MICAL2: variants seen among roughly 807,000 people sequenced by gnomAD.
MICAL2 encodes microtubule associated monooxygenase, calponin and LIM domain containing 2.
MICAL2 carries 77 observed loss-of-function variants against 127.3 expected under a neutral mutation model. The observed-to-expected ratio is 0.60, with a 90% CI of 0.50 to 0.73. MICAL2 has a LOEUF of 0.73. MICAL2 is among the 30% of genes least tolerant of loss of function. The pLI, the probability that MICAL2 is intolerant of heterozygous loss-of-function variation, is 0.00. For synonymous variants in MICAL2, 570 were observed against 551.1 expected (o/e 1.03, Z -0.48); for missense variants, 1,351 against 1,434.4 (o/e 0.94, Z 0.94).
At chr11:12,280,383 G>C (rs1316824201) in intron 1 of MICAL2, among the ~76,000 whole-genome samples, 1 of 152,132 alleles carries the variant, frequency 6.6e-6, no homozygotes, top group Non-Finnish European at 1.5e-5. Flanking sequence ...AGCCTGTATT[G>C]TTCTGCTCTG....
chr11:12,294,705 G>A (rs985721086), downstream of MICAL2: 2 of 1,614,016 alleles, frequency 1.2e-6, no homozygotes, highest in Non-Finnish European at 1.7e-6. Context: ...GACCTCTTTG[G>A]CAGCCCCAAG....
downstream of MICAL2, among the ~76,000 whole-genome samples, chr11:12,360,529 G>A (rs1493969): frequency 0.7 from 106,627 of 151,864 alleles, 43,184 homozygotes; most frequent in East Asian, 0.94. Context: ...TCAGGCCCCA[G>A]TCTTTTCTGT....
exon 30 of MICAL2, chr11:12,319,706 C>T (rs1864270515): frequency 1.9e-6 from 3 of 1,613,432 alleles, no homozygotes; most frequent in Middle Eastern, 1.6e-4. Flanking sequence ...ACTCCAAGAA[C>T]TTTCCCCTCA....
chr11:12,336,789 C>T (rs1264230919), intron 32 of MICAL2, among the ~76,000 whole-genome samples: 2 of 152,104 alleles, frequency 1.3e-5, no homozygotes, highest in African/African-American at 4.8e-5. Context: ...AGCCTTGCAT[C>T]CCAGGGATGA....
rs74731724 is a variant in MICAL2, at chr11:12,302,175, G to A, written c.5212+7318G>A. On this transcript the variant is annotated intron_variant, in intron 29 of 34. Coordinates refer to the MICAL2 transcript ENST00000646065. ...AGGGATGGACAAAATCACTTATGTC[G>A]CGAGTCTGTTCTTTTCATAGGCCAA... Among the ~76,000 whole-genome samples, 412 of 152,262 alleles carry A rather than the reference G, an allele frequency of 2.7e-3. 1 individual carries two copies. Among genetic ancestry groups the A allele is most frequent in the African/African-American group, 9.2e-3 (384 of 41,554 alleles).
At chr11:12,293,684 C>A, downstream of MICAL2, 1 of 1,614,092 alleles carries the variant, frequency 6.2e-7, no homozygotes, top group Non-Finnish European at 8.5e-7. Flanking sequence ...TCTGCCTCAT[C>A]ACCCAAAGCC....
downstream of MICAL2, chr11:12,292,234 C>G (rs1419429211): frequency 1.2e-6 from 2 of 1,613,962 alleles, no homozygotes; most frequent in African/African-American, 2.7e-5. Flanking sequence ...ATTCATCTTC[C>G]CCACCATCTT....
intron 3 of MICAL2, among the ~76,000 whole-genome samples, chr11:12,170,248 G>T (rs969115017): frequency 6.6e-6 from 1 of 152,072 alleles, no homozygotes; most frequent in Non-Finnish European, 1.5e-5. Context: ...CCAGGAATTC[G>T]AGACCAGCCC....
chr11:12,133,603 T>C (rs1204836048), intron 1 of MICAL2, among the ~76,000 whole-genome samples: 1 of 151,804 alleles, frequency 6.6e-6, no homozygotes, highest in African/African-American at 2.4e-5. Context: ...TCAGAATCTC[T>C]TGGGACAGGT....
intron 29 of MICAL2, among the ~76,000 whole-genome samples, chr11:12,309,104 T>G (rs1864144589): frequency 6.6e-6 from 1 of 152,202 alleles, no homozygotes; most frequent in Non-Finnish European, 1.5e-5. Flanking sequence ...GATATTTTGA[T>G]GCATATATGT....
intron 32 of MICAL2, among the ~76,000 whole-genome samples, chr11:12,329,414 A>G (rs956255215): frequency 1.3e-5 from 2 of 152,154 alleles, no homozygotes; most frequent in South Asian, 4.1e-4. Context: ...AAGAAGAGGA[A>G]AAACCAGAAA....
intron 15 of MICAL2, among the ~76,000 whole-genome samples, chr11:12,229,677 G>A (rs569558063): frequency 1.3e-5 from 2 of 152,368 alleles, no homozygotes; most frequent in South Asian, 4.1e-4. Context: ...TGGCTTGGGA[G>A]CTGGGGATGG....
At chr11:12,230,997 A>C (rs1565210081) in intron 15 of MICAL2, among the ~76,000 whole-genome samples, 1 of 152,144 alleles carries the variant, frequency 6.6e-6, no homozygotes, top group Non-Finnish European at 1.5e-5. Context: ...TAAAAGCCTC[A>C]TGGCATGGGA....
intron 3 of MICAL2, among the ~76,000 whole-genome samples, chr11:12,185,123 G>A: frequency 1.2e-5 from 1 of 83,444 alleles, no homozygotes; most frequent in Non-Finnish European, 2.5e-5. Flanking sequence ...GTGGGTGGGT[G>A]GGTGGGTGGG....
chr11:12,290,611 G>A (rs148316333), downstream of MICAL2, among the ~76,000 whole-genome samples: 34 of 152,292 alleles, frequency 2.2e-4, no homozygotes, highest in East Asian at 4.6e-3. Context: ...CGTGGGCTGC[G>A]ATGGGGGTGC....
chr11:12,351,845 C>T (rs1471511032), intron 33 of MICAL2, among the ~76,000 whole-genome samples: 1 of 151,520 alleles, frequency 6.6e-6, no homozygotes, highest in Non-Finnish European at 1.5e-5. Flanking sequence ...GGCTGGAGTG[C>T]AGTGGTGTGA....
chr11:12,275,685 A>ACAG (rs1406541386), upstream of MICAL2, among the ~76,000 whole-genome samples: 1 of 152,226 alleles, frequency 6.6e-6, no homozygotes, highest in African/African-American at 2.4e-5. Flanking sequence ...TGCCGTCTTG[A>ACAG]CAGCAGCAGT....
intron 1 of MICAL2, among the ~76,000 whole-genome samples, chr11:12,129,191 G>T (rs777199755): frequency 2.6e-5 from 4 of 152,124 alleles, no homozygotes; most frequent in Non-Finnish European, 5.9e-5. Context: ...TGTCAATAGA[G>T]ACTTGGGCCA....
chr11:12,176,803 T>C (rs910038543), intron 3 of MICAL2, among the ~76,000 whole-genome samples: 4 of 152,216 alleles, frequency 2.6e-5, no homozygotes, highest in African/African-American at 9.6e-5. Flanking sequence ...AATGTATGTC[T>C]GAATTTCCTT....
Sources: gnomAD v4.1 joint callset for allele counts (sites outside exome capture counted in the v4.1 genomes callset) on GRCh38, gnomAD v4.1.1 for gene constraint, MANE v1.5 for transcripts, NCBI Gene and HGNC (gene_info 2026-07-23, HGNC 2026-07-21) for gene names.